The following BBLN variants were observed in gnomAD, a reference collection of about 807,000 sequenced individuals.
The protein encoded by BBLN is bublin coiled-coil protein.
BBLN carries 6 observed loss-of-function variants against 7.6 expected under a neutral mutation model. The observed-to-expected ratio is 0.79, with a 90% CI of 0.43 to 1.55. The LOEUF is 1.55. Ranked by LOEUF, BBLN falls within the 40% of genes most tolerant of loss-of-function variation. The pLI is 0.01. For synonymous variants in BBLN, 35 were observed against 46.7 expected (o/e 0.75, Z 1.02); for missense variants, 100 against 111.1 (o/e 0.90, Z 0.45).
chr9:128,161,381 G>C (rs1564228417), intron 1 of BBLN, among the ~76,000 whole-genome samples: 1 of 152,238 alleles, frequency 6.6e-6, no homozygotes, highest in African/African-American at 2.4e-5. Context: ...GGGAGCATCA[G>C]GAAGAGCTTC....
chr9:128,162,175 A>C (rs964007261), intron 1 of BBLN: 1 of 152,220 alleles, frequency 6.6e-6, no homozygotes, highest in Admixed American at 6.5e-5. Flanking sequence ...GTTGGACTTT[A>C]AGATGCAGCC....
At position 128,163,663 on chromosome 9, in the gene BBLN, G is replaced by T; in HGVS notation, c.*48G>T. 7.1e-7 allele frequency: 1 copy of T among 1,409,856 alleles called. No individual in the cohort carries two copies. 87.3% of individuals were successfully genotyped at this position (1,409,856 alleles called of 1,614,324 possible). The stretch of plus-strand genomic sequence containing the variant: ...ACCCAACCCTGCCTCCCTGGGCTAG[G>T]CTCTGGCCTGGGCACTCACCCCCTG... On this transcript the variant is annotated 3_prime_UTR_variant, in exon 2 of 2. Transcript: ENST00000372994. The surrounding 1 kb of genome is among the most constrained non-coding windows in gnomAD (Gnocchi z 5.7).
rs1286283173 is a variant in BBLN at position 128,160,295 on chromosome 9, C to G, written c.-113C>G. 2 of 528,228 alleles carry G rather than the reference C, an allele frequency of 3.8e-6. No individual in the cohort carries two copies. The highest frequency in any genetic ancestry group is 5.8e-6 in the Non-Finnish European group (2 of 344,008). The allele number at this position is 528,228 out of a possible 1,614,324, so 32.7% of individuals were successfully genotyped here. On this transcript the variant is annotated 5_prime_UTR_variant, in exon 1 of 2. Transcript: ENST00000372994. ...GGCGGAGATCTGCTGCCGCGTTCTA[C>G]CCTTCCGGCCCGTGTTCTATCCGCC...
rs770130189 is a variant in BBLN at position 128,163,539 on chromosome 9, T to G, written c.176T>G (p.Leu59Arg). 1.9e-6 allele frequency: 3 copies of G among 1,611,484 alleles called. No individual in the cohort carries two copies. The highest frequency in any genetic ancestry group is 2.5e-6 in the Non-Finnish European group (3 of 1,178,718). ...NDHLHARLQE[L>R]LESNRQTRLE... ...CACCTCCACGCCCGCCTCCAGGAGC[T>G]GCTGGAGTCCAACCGGCAGACACGC... The change falls in exon 2 of 2, where the codon CTG (leucine) becomes CGG (arginine). Residue 59 changes from leucine to arginine, a missense_variant. Coordinates refer to ENST00000372994, the MANE Select transcript of BBLN (RefSeq NM_024112.4). The surrounding 1 kb of genome is among the most constrained non-coding windows in gnomAD (Gnocchi z 5.7).
At position 128,163,632 on chromosome 9, in the gene BBLN, A is replaced by T; in HGVS notation, c.*17A>T. On this transcript the variant is annotated 3_prime_UTR_variant, in exon 2 of 2. Coordinates refer to ENST00000372994, the MANE Select transcript of BBLN (RefSeq NM_024112.4). This position sits in a 1 kb window ranked among gnomAD's most constrained non-coding sequence, Gnocchi z 5.7. ...AGCCCCTAGGCTCCAAGAGCCCCCA[A>T]CCGGGACCCAACCCTGCCTCCCTGG... 2.0e-6 allele frequency: 3 copies of T among 1,474,262 alleles called. No homozygotes were observed. The South Asian group carries it at 4.1e-5, about 20-fold the overall frequency. 91.3% of individuals were successfully genotyped at this position (1,474,262 alleles called of 1,614,324 possible).
In BBLN at chr9:128,160,672, A is replaced by C. The variant is rs527254474; in HGVS notation, c.79+186A>C. Among the ~76,000 whole-genome samples, 741 of 152,272 alleles carry C rather than the reference A, an allele frequency of 4.9e-3. 8 individuals carry two copies. Among genetic ancestry groups the C allele is most frequent in the African/African-American group, 0.017 (716 of 41,552 alleles). On this transcript the variant is annotated intron_variant, in intron 1 of 1. Coordinates refer to ENST00000372994, the MANE Select transcript of BBLN (RefSeq NM_024112.4). ...GCGAGCCGGTTCCCAGCCCCGTGAGAGCTGCAGGTCACCAGTCCCGTTTTA... is the reference window on the plus strand; with the variant it reads ...GCGAGCCGGTTCCCAGCCCCGTGAGCGCTGCAGGTCACCAGTCCCGTTTTA...
chr9:128,160,347 T>A lies in BBLN; in HGVS notation c.-61T>A. 3 of 1,059,982 alleles carry A rather than the reference T, an allele frequency of 2.8e-6. No individual in the cohort carries two copies. Among genetic ancestry groups the A allele is most frequent in the Non-Finnish European group, 3.6e-6 (3 of 825,668 alleles). 65.7% of individuals were successfully genotyped at this position (1,059,982 alleles called of 1,614,324 possible). ...CCTCCACCTTCCATCCGGCGCCGGC[T>A]TTCGGCGCGACGGTCGCCGCGTTCC... is the stretch of plus-strand genomic sequence containing the variant. On this transcript the variant is annotated 5_prime_UTR_variant, in exon 1 of 2. Coordinates refer to ENST00000372994, the MANE Select transcript of BBLN (RefSeq NM_024112.4).
chr9:128,160,282 C>T lies in BBLN; in HGVS notation c.-126C>T, dbSNP rs552053409. 1 of 469,676 alleles carries T rather than the reference C, an allele frequency of 2.1e-6. No individual in the cohort carries two copies. The highest frequency in any genetic ancestry group is 2.0e-5 in the African/African-American group (1 of 50,000). 29.1% of individuals were successfully genotyped at this position (469,676 alleles called of 1,614,324 possible). On this transcript the variant is annotated 5_prime_UTR_variant, in exon 1 of 2. Coordinates refer to ENST00000372994, the MANE Select transcript of BBLN (RefSeq NM_024112.4). ...GCACCGGCCTCTGGGCGGAGATCTG[C>T]TGCCGCGTTCTACCCTTCCGGCCCG... is the stretch of plus-strand genomic sequence containing the variant.
chr9:128,163,585 C>T lies in BBLN; in HGVS notation c.222C>T (p.Leu74=), dbSNP rs374330051. The change falls in exon 2 of 2, where the codon CTC becomes CTT. Residue 74 remains leucine, a synonymous_variant. Transcript: ENST00000372994. The surrounding 1 kb of genome is among the most constrained non-coding windows in gnomAD (Gnocchi z 5.7). ...CACGCCTGGAGTTCCAGCAGCAGCT[C>T]GGGGAGGCCCCCAGTGATGCCAGCC... ...RQTRLEFQQQ[L]GEAPSDASP The T allele has an allele frequency of 4.1e-4, 654 of 1,578,390 alleles. 1 individual carries two copies. The highest frequency in any genetic ancestry group is 5.4e-4 in the South Asian group (47 of 86,656).
At chr9:128,160,646 C>T (rs1829244807) in intron 1 of BBLN, among the ~76,000 whole-genome samples, 160 bp downstream of exon 1, 1 of 152,246 alleles carries the variant, frequency 6.6e-6, no homozygotes, top group Non-Finnish European at 1.5e-5. Context: ...GGCGAGCACC[C>T]GCGAGCCGGT....
Position 128,163,593 on chromosome 9 carries a change from C to T in BBLN, c.230C>T (p.Ala77Val). ...RLEFQQQLGE[A>V]PSDASP ...GAGTTCCAGCAGCAGCTCGGGGAGG[C>T]CCCCAGTGATGCCAGCCCCTAGGCT... is the stretch of plus-strand genomic sequence containing the variant. The change falls in exon 2 of 2, where the codon GCC becomes GTC. Residue 77 changes from alanine to valine, a missense_variant. Physicochemically the swap from Ala to Val is moderately conservative, Grantham distance 64. Coordinates refer to ENST00000372994, the MANE Select transcript of BBLN (RefSeq NM_024112.4). The surrounding 1 kb of genome is among the most constrained non-coding windows in gnomAD (Gnocchi z 5.7). The T allele has an allele frequency of 6.4e-7, 1 of 1,563,102 alleles. No individual in the cohort carries two copies. The highest frequency in any genetic ancestry group is 8.7e-7 in the Non-Finnish European group (1 of 1,153,170).
rs755834609 is a variant in BBLN at position 128,160,433 on chromosome 9, G to A, written c.26G>A (p.Gly9Glu). 43 of 1,273,412 alleles carry A rather than the reference G, an allele frequency of 3.4e-5. No individual in the cohort carries two copies. The highest frequency in any genetic ancestry group is 4.2e-5 in the Admixed American group (1 of 23,948). The allele number at this position is 1,273,412 out of a possible 1,614,324, so 78.9% of individuals were successfully genotyped here. The change falls in exon 1 of 2, where the codon GGG (glycine) becomes GAG (glutamate). Residue 9 changes from glycine to glutamate, a missense_variant. Transcript: ENST00000372994. MSGPNGDLGMPVEAGAEGE... is the reference protein window; with the variant it reads MSGPNGDLEMPVEAGAEGE... Reference sequence around the variant, plus strand: ...ATGTCGGGCCCCAACGGAGACCTGGGGATGCCGGTGGAGGCGGGAGCGGAA... The same window carrying A: ...ATGTCGGGCCCCAACGGAGACCTGGAGATGCCGGTGGAGGCGGGAGCGGAA...
chr9:128,160,469 A>G lies in BBLN; in HGVS notation c.62A>G (p.Asp21Gly). 7.9e-7 allele frequency: 1 copy of G among 1,266,878 alleles called. No homozygotes were observed. Among genetic ancestry groups the G allele is most frequent in the Non-Finnish European group, 1.0e-6 (1 of 997,798 alleles). The allele number at this position is 1,266,878 out of a possible 1,614,324, so 78.5% of individuals were successfully genotyped here. A position where few individuals can be genotyped will look rare whatever the true frequency, so the allele number is the denominator to read the frequency against. Residue 21 changes from aspartate (D) to glycine (G), a missense_variant, in exon 1 of 2, where the codon GAC becomes GGC. Asp to Gly is a moderately conservative substitution (Grantham distance 94). Transcript: ENST00000372994. ...GAGGCGGGAGCGGAAGGCGAGGAGG[A>G]CGGCTTCGGGGAAGCAGGTGACCCG... is the stretch of plus-strand genomic sequence containing the variant. ...PVEAGAEGEE[D>G]GFGEAEYAAI...
chr9:128,160,605 T>G (rs936369883), intron 1 of BBLN, 119 bp downstream of exon 1: 58 of 770,176 alleles, frequency 7.5e-5, no homozygotes, highest in Non-Finnish European at 1.1e-4. Context: ...CCCGAGCGGG[T>G]CCGGAGTTGT....
In BBLN at chr9:128,163,879, C is replaced by T. The variant is rs1309039814; in HGVS notation, c.*264C>T. On this transcript the variant is annotated 3_prime_UTR_variant, in exon 2 of 2. Coordinates refer to ENST00000372994, the MANE Select transcript of BBLN (RefSeq NM_024112.4). This position sits in a 1 kb window ranked among gnomAD's most constrained non-coding sequence, Gnocchi z 5.7. The stretch of plus-strand genomic sequence containing the variant: ...GCCCACCCAACTCCTGGGCGCTCCC[C>T]ACTCTGCCCAGGCCTTGAGTGTCCA... 4.3e-6 allele frequency: 2 copies of T among 467,528 alleles called. No individual in the cohort carries two copies. The highest frequency in any genetic ancestry group is 7.6e-6 in the Non-Finnish European group (2 of 262,894). 29.0% of individuals were successfully genotyped at this position (467,528 alleles called of 1,614,324 possible).
In BBLN at chr9:128,163,359, C is replaced by A; in HGVS notation, c.80-84C>A. ...GACTTGCACAAAGCCCTTTGGGAAG[C>A]AGGCTGGGAAACAGTGGAGGGAGGG... On this transcript the variant is annotated intron_variant, in intron 1 of 1. Coordinates refer to ENST00000372994, the MANE Select transcript of BBLN (RefSeq NM_024112.4). This position sits in a 1 kb window ranked among gnomAD's most constrained non-coding sequence, Gnocchi z 5.7. The A allele has an allele frequency of 7.6e-7, 1 of 1,309,882 alleles. No individual in the cohort carries two copies. Among genetic ancestry groups the A allele is most frequent in the Non-Finnish European group, 1.0e-6 (1 of 969,382 alleles). The allele number at this position is 1,309,882 out of a possible 1,614,324, so 81.1% of individuals were successfully genotyped here.
intron 1 of BBLN, among the ~76,000 whole-genome samples, chr9:128,161,714 C>T (rs908007784): frequency 2.0e-5 from 3 of 151,302 alleles, no homozygotes; most frequent in Non-Finnish European, 4.4e-5. Flanking sequence ...GATCTTGGCT[C>T]ACTGCAACCT....
Position 128,163,796 on chromosome 9 carries a change from C to T in BBLN, c.*181C>T, listed in dbSNP as rs1052634852. ...CCCTTGGCCTACCTGGGCCAGCCCC[C>T]ACCACCTGGCATGCCCTCCTGGGGC... On this transcript the variant is annotated 3_prime_UTR_variant, in exon 2 of 2. Transcript: ENST00000372994. This position sits in a 1 kb window ranked among gnomAD's most constrained non-coding sequence, Gnocchi z 5.7. 8 of 555,516 alleles carry T rather than the reference C, an allele frequency of 1.4e-5. No homozygotes were observed. Among genetic ancestry groups the T allele is most frequent in the African/African-American group, 1.2e-4 (6 of 51,950 alleles). 34.4% of individuals were successfully genotyped at this position (555,516 alleles called of 1,614,324 possible).
At chr9:128,161,087 C>CAAA (rs10524542) in intron 1 of BBLN, among the ~76,000 whole-genome samples, 6 of 125,924 alleles carry the variant, frequency 4.8e-5, no homozygotes, top group African/African-American at 5.9e-5. Context: ...GAATTAAATG[C>CAAA]AAAAAAAAGG....
Sources: allele counts gnomAD v4.1 joint callset (sites outside exome capture counted in the v4.1 genomes callset), GRCh38; gene constraint gnomAD v4.1.1; non-coding constraint Gnocchi (gnomAD v3.1); transcripts MANE v1.5; gene names NCBI Gene and HGNC (gene_info 2026-07-23, HGNC 2026-07-21).